Variants in DOCK4 observed in about 807,000 individuals in gnomAD.
The protein encoded by DOCK4 is dedicator of cytokinesis 4, also known as dedicator of cytokinesis protein 4.
DOCK4 carries 97 observed loss-of-function variants against 268.1 expected under a neutral mutation model. That is an observed-to-expected ratio of 0.36 (90% CI 0.31 to 0.43). The LOEUF (loss-of-function observed/expected upper bound fraction) is 0.43. Ranked by LOEUF, DOCK4 falls within the 20% of genes least tolerant of loss-of-function variation. DOCK4 has a pLI of 1.00. For missense variants in DOCK4, 2,145 were observed against 2,455.7 expected (o/e 0.87, Z 2.67); for synonymous variants, 954 against 887.2 (o/e 1.08, Z -1.34).
At chr7:112,158,380 C>T (rs1166739808) in intron 1 of DOCK4, among the ~76,000 whole-genome samples, 1 of 152,152 alleles carries the variant, frequency 6.6e-6, no homozygotes. Context: ...GGAATATAGA[C>T]ACAACAGTAA....
chr7:112,003,635 A>G (rs1302703446), intron 2 of DOCK4, among the ~76,000 whole-genome samples: 1 of 152,186 alleles, frequency 6.6e-6, no homozygotes, highest in African/African-American at 2.4e-5. Flanking sequence ...GGCCTGGAGC[A>G]GAGTTGGCCT....
At chr7:112,084,386 A>C (rs899723871) in intron 1 of DOCK4, among the ~76,000 whole-genome samples, 1 of 152,200 alleles carries the variant, frequency 6.6e-6, no homozygotes, top group Non-Finnish European at 1.5e-5. Flanking sequence ...TTTGAATTTC[A>C]GCTGACTAGA....
chr7:112,111,386 G>A (rs932480131), intron 1 of DOCK4, among the ~76,000 whole-genome samples: 20 of 152,066 alleles, frequency 1.3e-4, no homozygotes, highest in South Asian at 2.1e-4. Context: ...GGACATAGGC[G>A]GGGGTCTCAG....
At chr7:112,156,215 A>T (rs1223125590) in intron 1 of DOCK4, among the ~76,000 whole-genome samples, 2 of 152,104 alleles carry the variant, frequency 1.3e-5, no homozygotes, top group South Asian at 4.2e-4. Context: ...CCTCCCTCAC[A>T]CTGTGTCCAG....
At chr7:112,175,821 T>G (rs959749028) in intron 1 of DOCK4, among the ~76,000 whole-genome samples, 1 of 151,998 alleles carries the variant, frequency 6.6e-6, no homozygotes, top group African/African-American at 2.4e-5. Flanking sequence ...CATCCCCTTT[T>G]TAATCTAAAA....
Position 111,822,451 on chromosome 7 carries a change from G to T in DOCK4, c.2841C>A (p.Phe947Leu). ...SFNTKEELRD[F>L]LLQIFTVFRI... is the part of the protein sequence containing the mutation. ...GGAACACAGTAAATATCTGCAGCAG[G>T]AAATCCTTGGATAAGGAGAAAATAG... The change falls in exon 27 of 53, where the codon TTC becomes TTA. Residue 947 changes from phenylalanine to leucine, a missense_variant. Transcript: ENST00000428084. 1 of 1,611,408 alleles carries T rather than the reference G, an allele frequency of 6.2e-7. No individual in the cohort carries two copies. Among genetic ancestry groups the T allele is most frequent in the South Asian group, 1.1e-5 (1 of 90,306 alleles).
At chr7:112,167,873 G>A (rs1230773330) in intron 1 of DOCK4, among the ~76,000 whole-genome samples, 1 of 151,890 alleles carries the variant, frequency 6.6e-6, no homozygotes, top group Non-Finnish European at 1.5e-5. Context: ...TCCTATGCTA[G>A]CAAACTTCCC....
At chr7:112,064,228 T>TG (rs1215927615) in intron 1 of DOCK4, among the ~76,000 whole-genome samples, 1 of 152,132 alleles carries the variant, frequency 6.6e-6, no homozygotes, top group Non-Finnish European at 1.5e-5. Flanking sequence ...ACTAATCCTG[T>TG]GGGGGTGGTT....
At chr7:112,199,128 AG>A (rs1214137155) in intron 1 of DOCK4, among the ~76,000 whole-genome samples, 2 of 152,224 alleles carry the variant, frequency 1.3e-5, no homozygotes, top group Non-Finnish European at 2.9e-5. Context: ...AAGACAATTT[AG>A]GTTCCAATCC....
rs2134196901 is a variant in DOCK4, at chr7:111,865,096, G to C, written c.2281-1532C>G. Among the ~76,000 whole-genome samples the C allele has an allele frequency of 2.6e-5, 4 of 152,304 alleles. No homozygotes were observed. In the East Asian group the frequency reaches 7.7e-4, roughly 29 times the overall value. On this transcript the variant is annotated intron_variant, in intron 22 of 52. Coordinates refer to ENST00000428084, the MANE Select transcript of DOCK4 (RefSeq NM_001363540.2). ...TAGTTTTGACCTTCCTAGTAGCCAG[G>C]ACACACAGGGAAAGATAACTATTGG... is the stretch of plus-strand genomic sequence containing the variant.
At chr7:111,977,080 A>G (rs1335600698) in intron 8 of DOCK4, 52 bp downstream of exon 8, 24 of 1,593,264 alleles carry the variant, frequency 1.5e-5, no homozygotes, top group Admixed American at 3.5e-5. Flanking sequence ...AATCACAAAT[A>G]TCCACCATTC....
intron 1 of DOCK4, among the ~76,000 whole-genome samples, chr7:112,026,767 G>A (rs1802833534): frequency 6.6e-6 from 1 of 152,136 alleles, no homozygotes. Flanking sequence ...GGCCCCCAAA[G>A]CCTATGATAT....
rs572837435 is a variant in DOCK4 at position 112,043,542 on chromosome 7, T to C, written c.38-39411A>G. On this transcript the variant is annotated intron_variant, in intron 1 of 52. Transcript: ENST00000428084. ...AAAGCTATTAATGGAGAGAATGAAG[T>C]GTCACAGAATCATGAATGTTAATGA... 2.0e-4 allele frequency among the ~76,000 whole-genome samples: 30 copies of C among 150,850 alleles called. 1 individual carries two copies. The highest frequency in any genetic ancestry group is 6.6e-4 in the African/African-American group (27 of 41,116).
At chr7:111,826,908 A>C (rs1802441742) in intron 26 of DOCK4, among the ~76,000 whole-genome samples, 2 of 152,182 alleles carry the variant, frequency 1.3e-5, no homozygotes, top group Admixed American at 1.3e-4. Flanking sequence ...TTTTTTAAAA[A>C]AGAGAAAGGC....
chr7:112,195,401 T>G (rs1820330518), intron 1 of DOCK4, among the ~76,000 whole-genome samples: 1 of 152,160 alleles, frequency 6.6e-6, no homozygotes, highest in Non-Finnish European at 1.5e-5. Flanking sequence ...ACCTCAGAGG[T>G]TTCTTCTCTC....
intron 23 of DOCK4, among the ~76,000 whole-genome samples, chr7:111,857,322 T>C (rs1335329051): frequency 6.6e-6 from 1 of 152,160 alleles, no homozygotes; most frequent in African/African-American, 2.4e-5. Context: ...CAGTTTTGTA[T>C]AAAATCCACA....
At chr7:112,198,003 T>C (rs539576916) in intron 1 of DOCK4, among the ~76,000 whole-genome samples, 2 of 150,910 alleles carry the variant, frequency 1.3e-5, no homozygotes, top group South Asian at 2.1e-4. Flanking sequence ...TTGGTTCTTT[T>C]GTTGAATGGC....
At chr7:112,113,248 G>A (rs1304366042) in intron 1 of DOCK4, among the ~76,000 whole-genome samples, 1 of 152,136 alleles carries the variant, frequency 6.6e-6, no homozygotes, top group East Asian at 1.9e-4. Flanking sequence ...GACCAAGGAA[G>A]AAAATTTGTA....
chr7:112,098,303 T>C (rs1307293259), intron 1 of DOCK4, among the ~76,000 whole-genome samples: 2 of 152,068 alleles, frequency 1.3e-5, no homozygotes, highest in South Asian at 2.1e-4. Context: ...CTCTACCTCC[T>C]GAGTAGCTGG....
Sources: allele counts gnomAD v4.1 joint callset (sites outside exome capture counted in the v4.1 genomes callset), GRCh38; gene constraint gnomAD v4.1.1; transcripts MANE v1.5; gene names NCBI Gene and HGNC (gene_info 2026-07-23, HGNC 2026-07-21).